The following LTBP1 variants were observed in gnomAD, a reference collection of about 807,000 sequenced individuals.
The protein encoded by LTBP1 is latent-transforming growth factor beta-binding protein 1.
Under a neutral mutation model 207.6 loss-of-function variants are expected in LTBP1, and 129 were observed. That is an observed-to-expected ratio of 0.62 (90% CI 0.54 to 0.72). The LOEUF is 0.72. LTBP1 is among the 30% of genes least tolerant of loss of function. The pLI, the probability that LTBP1 is intolerant of heterozygous loss-of-function variation, is 0.00. For synonymous variants in LTBP1, 963 were observed against 833.7 expected (o/e 1.16, Z -2.67); for missense variants, 2,281 against 2,217.2 (o/e 1.03, Z -0.58).
intron 3 of LTBP1, among the ~76,000 whole-genome samples, chr2:33,059,706 A>G (rs2077174017): frequency 6.6e-6 from 1 of 152,102 alleles, no homozygotes; most frequent in African/African-American, 2.4e-5. Flanking sequence ...TAAGGGAACC[A>G]TAAGATGACT....
At chr2:33,018,491 C>T (rs956014709) in intron 2 of LTBP1, among the ~76,000 whole-genome samples, 1 of 152,126 alleles carries the variant, frequency 6.6e-6, no homozygotes, top group African/African-American at 2.4e-5. Context: ...GAGCTCAGGC[C>T]AAGGCACAGC....
chr2:32,966,971 T>G (rs1229558917), intron 2 of LTBP1, among the ~76,000 whole-genome samples: 2 of 152,132 alleles, frequency 1.3e-5, no homozygotes, highest in East Asian at 1.9e-4. Context: ...CTGAAATGTT[T>G]CCTAGAATTG....
intron 2 of LTBP1, among the ~76,000 whole-genome samples, chr2:32,979,925 ACTTTT>A (rs1682499401): frequency 2.6e-5 from 4 of 152,152 alleles, no homozygotes; most frequent in African/African-American, 2.4e-5. Context: ...CTATATAATG[ACTTTT>A]CTTTTCTCTT....
intron 26 of LTBP1, among the ~76,000 whole-genome samples, chr2:33,356,716 G>A (rs1176314356): frequency 6.6e-6 from 1 of 152,152 alleles, no homozygotes; most frequent in Admixed American, 6.5e-5. Context: ...TCGAAACAAG[G>A]CATATGAATT....
chr2:33,392,565 A>G (rs2095324095), intron 32 of LTBP1, among the ~76,000 whole-genome samples: 1 of 152,180 alleles, frequency 6.6e-6, no homozygotes, highest in Non-Finnish European at 1.5e-5. Context: ...TCACAAAAGC[A>G]GCCCTAGATA....
At chr2:33,383,472 G>C (rs17012919) in intron 31 of LTBP1, among the ~76,000 whole-genome samples, 1 of 152,146 alleles carries the variant, frequency 6.6e-6, no homozygotes, top group Non-Finnish European at 1.5e-5. Flanking sequence ...CACCATTGTC[G>C]TTAATCCATG....
intron 3 of LTBP1, among the ~76,000 whole-genome samples, chr2:33,021,618 A>G (rs990702784): frequency 6.6e-6 from 1 of 152,216 alleles, no homozygotes; most frequent in Admixed American, 6.5e-5. Context: ...AAAGGTAAGA[A>G]CTCAGCTTGC....
intron 24 of LTBP1, among the ~76,000 whole-genome samples, chr2:33,333,214 A>G (rs553645581): frequency 3.7e-4 from 55 of 149,132 alleles, no homozygotes; most frequent in African/African-American, 1.2e-3. Context: ...GCAGTGCAAA[A>G]TAGGTTAATT....
At chr2:33,336,083 G>C (rs2094550823) in intron 24 of LTBP1, among the ~76,000 whole-genome samples, 1 of 152,104 alleles carries the variant, frequency 6.6e-6, no homozygotes, top group Non-Finnish European at 1.5e-5. Flanking sequence ...CTAGTGTCTA[G>C]ATTTCAAGTA....
intron 3 of LTBP1, among the ~76,000 whole-genome samples, chr2:33,053,558 C>T (rs529829391): frequency 3.4e-4 from 51 of 152,084 alleles, no homozygotes; most frequent in South Asian, 4.2e-4. Context: ...GAGTATTTGC[C>T]GTCTGGGTTT....
At chr2:33,382,391 A>G (rs1273844113) in intron 31 of LTBP1, among the ~76,000 whole-genome samples, 1 of 152,048 alleles carries the variant, frequency 6.6e-6, no homozygotes, top group African/African-American at 2.4e-5. Flanking sequence ...CACGGTGCCC[A>G]GTCTAGCTTC....
chr2:33,328,467 G>T (rs2094456477), intron 24 of LTBP1, among the ~76,000 whole-genome samples: 1 of 152,172 alleles, frequency 6.6e-6, no homozygotes, highest in Non-Finnish European at 1.5e-5. Flanking sequence ...ACAGTTCATT[G>T]CTGGGGAGGC....
At chr2:33,207,795 C>T (rs1002334232) in intron 7 of LTBP1, among the ~76,000 whole-genome samples, 5 of 152,160 alleles carry the variant, frequency 3.3e-5, no homozygotes, top group African/African-American at 1.2e-4. Flanking sequence ...TGATCTAGTA[C>T]TGGGACACTA....
At chr2:33,183,228 G>A (rs939597181) in intron 5 of LTBP1, among the ~76,000 whole-genome samples, 1 of 152,160 alleles carries the variant, frequency 6.6e-6, no homozygotes, top group East Asian at 1.9e-4. Context: ...CACTTCCAGT[G>A]TTGTCACTTT....
chr2:33,118,187 G>A (rs2080871479), intron 4 of LTBP1, among the ~76,000 whole-genome samples: 1 of 135,452 alleles, frequency 7.4e-6, no homozygotes. Context: ...TTTAACTTGT[G>A]TGCAAAAAAA....
intron 7 of LTBP1, among the ~76,000 whole-genome samples, chr2:33,208,253 T>C (rs1054326947): frequency 8.5e-5 from 13 of 152,298 alleles, no homozygotes; most frequent in African/African-American, 3.1e-4. Flanking sequence ...ACAGTGTAGG[T>C]TGATGGATTA....
intron 3 of LTBP1, among the ~76,000 whole-genome samples, chr2:33,091,286 A>G (rs116082973): frequency 0.021 from 3,217 of 152,192 alleles, 114 homozygotes; most frequent in African/African-American, 0.073. Context: ...TGGGGCTGTA[A>G]GTAGTTAATT....
At chr2:33,028,551 C>G (rs1231720555) in intron 3 of LTBP1, among the ~76,000 whole-genome samples, 1 of 152,082 alleles carries the variant, frequency 6.6e-6, no homozygotes, top group Non-Finnish European at 1.5e-5. Flanking sequence ...GCCTGTAATC[C>G]CAGCTGTATC....
rs568189424 is a variant in LTBP1 at position 33,262,480 on chromosome 2, G to A, written c.2419-242G>A. Among the ~76,000 whole-genome samples, 13 of 151,158 alleles carry A rather than the reference G, an allele frequency of 8.6e-5. No homozygotes were observed. The South Asian group carries it at 2.5e-3, about 29-fold the overall frequency. ...CAGGGAAATGGCTGAAGATATGTGC[G>A]TGGATTAGCACCACTGGGAAAAATT... On this transcript the variant is annotated intron_variant, in intron 13 of 33. Transcript: ENST00000404816.
Sources: gnomAD v4.1 joint callset for allele counts (sites outside exome capture counted in the v4.1 genomes callset) on GRCh38, gnomAD v4.1.1 for gene constraint, MANE v1.5 for transcripts, NCBI Gene and HGNC (gene_info 2026-07-23, HGNC 2026-07-21) for gene names.